PSIP1: variants seen among roughly 807,000 people sequenced by gnomAD.
PSIP1 encodes PC4 and SRSF1 interacting protein 1.
A neutral mutation model predicts 74.7 loss-of-function variants in PSIP1; 19 were observed. The ratio of observed to expected loss-of-function variants is 0.25; its 90% CI spans 0.18 to 0.37. The LOEUF is 0.37. Ranked by LOEUF, PSIP1 falls within the 10% of genes least tolerant of loss-of-function variation. The pLI, the probability that PSIP1 is intolerant of heterozygous loss-of-function variation, is 1.00. For missense variants in PSIP1, 601 were observed against 614.3 expected, an observed-to-expected ratio of 0.98 and a Z score of 0.23; for synonymous variants, 222 against 195.3, an observed-to-expected ratio of 1.14 and a Z score of -1.14.
chr9:15,506,968 T>TCC (rs34287767), intron 2 of PSIP1, among the ~76,000 whole-genome samples: 36 of 152,354 alleles, frequency 2.4e-4, no homozygotes, highest in African/African-American at 8.7e-4. Flanking sequence ...ATATGTACTC[T>TCC]CCCTGCCTTC....
chr9:15,473,915 C>CAAAAAAAAAAAAAAAAAA lies in PSIP1; in HGVS notation c.858+93_858+94insTTTTTTTTTTTTTTTTTT, dbSNP rs386414512. 1.5e-5 allele frequency: 9 copies of CAAAAAAAAAAAAAAAAAA among 600,604 alleles called. No individual in the cohort carries two copies. The African/African-American group carries it at 2.2e-4, about 14-fold the overall frequency. The allele number at this position is 600,604 out of a possible 1,614,324, so 37.2% of individuals were successfully genotyped here. A position where few individuals can be genotyped will look rare whatever the true frequency, so the allele number is the denominator to read the frequency against. Reference sequence around the variant, plus strand: ...GACTCCATCTCAAACAAAAAAAAAACAAAAAAAAAAACAAAAAAAAAACAA... The same window carrying CAAAAAAAAAAAAAAAAAA: ...GACTCCATCTCAAACAAAAAAAAAACAAAAAAAAAAAAAAAAAAAAAAAAAAAAACAAAAAAAAAACAA... On this transcript the variant is annotated intron_variant, in intron 9 of 15. Coordinates refer to ENST00000380733, the MANE Select transcript of PSIP1 (RefSeq NM_033222.5).
chr9:15,479,760 A>ATTTT, intron 6 of PSIP1, 73 bp from the exon 7 acceptor site: 1 of 1,121,998 alleles, frequency 8.9e-7, no homozygotes, highest in Non-Finnish European at 1.3e-6. Context: ...TGGCAAAAAT[A>ATTTT]TGCCAGTCTA....
chr9:15,481,184 A>G (rs187166042), intron 6 of PSIP1, among the ~76,000 whole-genome samples: 1 of 152,216 alleles, frequency 6.6e-6, no homozygotes, highest in Non-Finnish European at 1.5e-5. Flanking sequence ...CTGATTCAAT[A>G]GCTCTGAGTC....
chr9:15,507,113 A>G (rs1257042988), intron 2 of PSIP1, among the ~76,000 whole-genome samples: 1 of 152,216 alleles, frequency 6.6e-6, no homozygotes, highest in African/African-American at 2.4e-5. Flanking sequence ...GACATTGACA[A>G]AAGTTTAAAT....
chr9:15,471,354 AAACAC>A, intron 10 of PSIP1: 1 of 1,562,738 alleles, frequency 6.4e-7, no homozygotes, highest in Non-Finnish European at 8.8e-7. Flanking sequence ...GAAGGAAAGA[AAACAC>A]AAATATTAGA....
At chr9:15,506,511 T>C (rs368217321) in intron 3 of PSIP1, 50 bp downstream of exon 3, 105 of 1,334,216 alleles carry the variant, frequency 7.9e-5, no homozygotes, top group Non-Finnish European at 8.7e-5. Context: ...TACTGCCTAA[T>C]AACCCTGTTA....
intron 6 of PSIP1, among the ~76,000 whole-genome samples, chr9:15,485,240 T>TTTG (rs1460246886): frequency 3.9e-5 from 6 of 152,168 alleles, no homozygotes; most frequent in African/African-American, 7.2e-5. Context: ...TGAAATACAA[T>TTTG]ACTCAAGATG....
At chr9:15,468,039 G>C (rs1055256514) in intron 14 of PSIP1, among the ~76,000 whole-genome samples, 1 of 147,552 alleles carries the variant, frequency 6.8e-6, no homozygotes, top group Non-Finnish European at 1.5e-5. Flanking sequence ...AGAATCGCTT[G>C]AACCCAGAAG....
intron 8 of PSIP1, among the ~76,000 whole-genome samples, chr9:15,476,986 C>G (rs926931994): frequency 6.6e-6 from 1 of 152,122 alleles, no homozygotes; most frequent in African/African-American, 2.4e-5. Flanking sequence ...CCAGAGGAAT[C>G]AGCCAAAAGC....
In PSIP1 at chr9:15,470,930, T is replaced by C. The variant is rs905529611; in HGVS notation, c.978-937A>G. Reference sequence around the variant, plus strand: ...CAAACACAAAGCTTCATTTTAAGCTTGGTTAAAAAAAAAAAAAAAAAAAAA... The same window carrying C: ...CAAACACAAAGCTTCATTTTAAGCTCGGTTAAAAAAAAAAAAAAAAAAAAA... On this transcript the variant is annotated intron_variant, in intron 10 of 15. Coordinates refer to ENST00000380733, the MANE Select transcript of PSIP1 (RefSeq NM_033222.5). The C allele has an allele frequency of 3.9e-5, 42 of 1,080,776 alleles. No individual in the cohort carries two copies. The South Asian group carries it at 1.6e-3, about 42-fold the overall frequency. The allele number at this position is 1,080,776 out of a possible 1,614,324, so 66.9% of individuals were successfully genotyped here.
chr9:15,481,611 G>A (rs538925347), intron 6 of PSIP1, among the ~76,000 whole-genome samples: 96 of 152,264 alleles, frequency 6.3e-4, no homozygotes, highest in Middle Eastern at 3.4e-3. Context: ...TTGAACCCAG[G>A]AGGCAGAGAT....
chr9:15,481,277 G>A (rs1202143234), intron 6 of PSIP1, among the ~76,000 whole-genome samples: 1 of 152,218 alleles, frequency 6.6e-6, no homozygotes, highest in African/African-American at 2.4e-5. Context: ...TTTTCCTACT[G>A]AGGAGTTAAG....
At position 15,478,328 on chromosome 9, in the gene PSIP1, AT is replaced by A. The variant is rs796944562; in HGVS notation, c.629+148del. On this transcript the variant is annotated intron_variant, in intron 8 of 15. Coordinates refer to ENST00000380733, the MANE Select transcript of PSIP1 (RefSeq NM_033222.5). Reference sequence around the variant, plus strand: ...TCCTTACCAATTTTTACTTTACAAAATTTTCCCAGTTTTTCCTGTAATTTTA... The same window carrying A: ...TCCTTACCAATTTTTACTTTACAAAATTTCCCAGTTTTTCCTGTAATTTTA... The A allele has an allele frequency of 1.1e-5, 7 of 634,222 alleles. No homozygotes were observed. In the African/African-American group the frequency reaches 1.1e-4, roughly 10 times the overall value. 39.3% of individuals were successfully genotyped at this position (634,222 alleles called of 1,614,324 possible). A position where few individuals can be genotyped will look rare whatever the true frequency, so the allele number is the denominator to read the frequency against.
At chr9:15,485,857 G>C in intron 6 of PSIP1, 149 bp downstream of exon 6, 1 of 620,266 alleles carries the variant, frequency 1.6e-6, no homozygotes, top group Non-Finnish European at 2.7e-6. Context: ...AACACAGATA[G>C]TTTTGCCAAG....
intron 3 of PSIP1, among the ~76,000 whole-genome samples, chr9:15,499,875 C>CAAAAA (rs559078122): frequency 1.8e-4 from 12 of 68,354 alleles, no homozygotes; most frequent in East Asian, 1.7e-3. Flanking sequence ...GACTCTGTCT[C>CAAAAA]AAAAAAAAAA....
At chr9:15,475,144 A>T (rs1444025528) in intron 8 of PSIP1, among the ~76,000 whole-genome samples, 1 of 152,180 alleles carries the variant, frequency 6.6e-6, no homozygotes, top group Non-Finnish European at 1.5e-5. Flanking sequence ...GAAGAGAAGA[A>T]ATTTACTTTT....
At chr9:15,473,502 AAC>A (rs1315074116) in intron 9 of PSIP1, among the ~76,000 whole-genome samples, 7 of 152,234 alleles carry the variant, frequency 4.6e-5, no homozygotes, top group African/African-American at 7.2e-5. Context: ...TATGCTTTGT[AAC>A]ACAGCTAATT....
chr9:15,492,582 T>C (rs2036883233), intron 3 of PSIP1, among the ~76,000 whole-genome samples: 1 of 152,156 alleles, frequency 6.6e-6, no homozygotes, highest in Admixed American at 6.5e-5. Flanking sequence ...TGGAGGATGG[T>C]GGCCTTCTTC....
chr9:15,480,299 A>G (rs544177855), intron 6 of PSIP1, among the ~76,000 whole-genome samples: 5 of 152,362 alleles, frequency 3.3e-5, no homozygotes, highest in East Asian at 1.9e-4. Flanking sequence ...GGTACTGATC[A>G]TAACTGCAAA....
Sources: allele counts gnomAD v4.1 joint callset (sites outside exome capture counted in the v4.1 genomes callset), GRCh38; gene constraint gnomAD v4.1.1; transcripts MANE v1.5; gene names NCBI Gene and HGNC (gene_info 2026-07-23, HGNC 2026-07-21).